INPP4B: variants seen among roughly 807,000 people sequenced by gnomAD.
INPP4B encodes the protein inositol polyphosphate 4-phosphatase type II.
INPP4B carries 55 observed loss-of-function variants against 122.5 expected under a neutral mutation model. That is an observed-to-expected ratio of 0.45 (90% CI 0.36 to 0.56). The LOEUF is 0.56. Ranked by LOEUF, INPP4B falls within the 20% of genes least tolerant of loss-of-function variation. INPP4B has a pLI of 0.00. For synonymous variants in INPP4B, 403 were observed against 388.7 expected, an observed-to-expected ratio of 1.04 and a Z score of -0.43; for missense variants, 1,000 against 1,097.7, an observed-to-expected ratio of 0.91 and a Z score of 1.26.
chr4:142,336,532 T>G (rs1028322452), intron 7 of INPP4B, among the ~76,000 whole-genome samples: 2 of 152,216 alleles, frequency 1.3e-5, no homozygotes, highest in Middle Eastern at 3.2e-3. Context: ...ATGAACAAGC[T>G]GTAATATGCC....
chr4:142,086,800 AAGTGGTCCTAC>A, intron 23 of INPP4B, among the ~76,000 whole-genome samples: 1 of 152,194 alleles, frequency 6.6e-6, no homozygotes, highest in East Asian at 1.9e-4. Context: ...TGGTAATATC[AAGTGGTCCTAC>A]AGTACTATTT....
In INPP4B at chr4:142,333,024, A is replaced by C. The variant is rs866406329; in HGVS notation, c.373-18262T>G. ...AGACTCCGTCTCAAAAAAAAAAAAA[A>C]AAACAAAAAAAAAACCTTCTAAAAC... On this transcript the variant is annotated intron_variant, in intron 7 of 25. Transcript: ENST00000262992. 1.8e-3 allele frequency among the ~76,000 whole-genome samples: 270 copies of C among 150,698 alleles called. 3 individuals carry two copies. The highest frequency in any genetic ancestry group is 5.7e-3 in the African/African-American group (232 of 40,984).
chr4:142,486,304 T>C (rs889062597), intron 2 of INPP4B, among the ~76,000 whole-genome samples: 1 of 152,220 alleles, frequency 6.6e-6, no homozygotes, highest in Admixed American at 6.6e-5. Context: ...TTTAGACTTC[T>C]TAATCTTAGA....
rs571341672 is a variant in INPP4B, at chr4:142,416,812, G to T, written c.137-11488C>A. On this transcript the variant is annotated intron_variant, in intron 5 of 25. Transcript: ENST00000262992. ...CATTTGACTAACTAGGGCTTTGAGG[G>T]TGTCGATTCTTCTGTCATAAGATAG... Among the ~76,000 whole-genome samples, 5 of 152,282 alleles carry T rather than the reference G, an allele frequency of 3.3e-5. No homozygotes were observed. The South Asian group carries it at 1.0e-3, about 32-fold the overall frequency.
chr4:142,068,012 T>G (rs1482329332), intron 25 of INPP4B, among the ~76,000 whole-genome samples: 1 of 151,892 alleles, frequency 6.6e-6, no homozygotes, highest in African/African-American at 2.4e-5. Flanking sequence ...GAAGAGCAAC[T>G]CCAAGACACA....
At chr4:142,214,308 C>T (rs1323198857) in intron 12 of INPP4B, among the ~76,000 whole-genome samples, 1 of 152,156 alleles carries the variant, frequency 6.6e-6, no homozygotes, top group African/African-American at 2.4e-5. Flanking sequence ...AAAGATTCCA[C>T]ATAGCAGAGT....
At chr4:142,771,391 T>G (rs1050747734) in intron 1 of INPP4B, among the ~76,000 whole-genome samples, 1 of 152,128 alleles carries the variant, frequency 6.6e-6, no homozygotes, top group African/African-American at 2.4e-5. Flanking sequence ...GAAGTTTCTC[T>G]GGCAAATGTA....
chr4:142,816,761 T>G (rs1004854502), intron 1 of INPP4B, among the ~76,000 whole-genome samples: 2 of 151,996 alleles, frequency 1.3e-5, no homozygotes, highest in Admixed American at 1.3e-4. Flanking sequence ...TTTTTCTTAA[T>G]AGTATATTTG....
intron 5 of INPP4B, chr4:142,426,838 A>G (rs1325010764): frequency 6.6e-6 from 1 of 152,004 alleles, no homozygotes; most frequent in Non-Finnish European, 1.5e-5. Flanking sequence ...TGAAATTCCT[A>G]AATAATTTGA....
chr4:142,259,211 G>A (rs1579493128), intron 11 of INPP4B, among the ~76,000 whole-genome samples: 2 of 114,382 alleles, frequency 1.7e-5, no homozygotes, highest in South Asian at 7.2e-4. Context: ...TTGTGGGGTG[G>A]GGGGAGGGGG....
chr4:142,535,428 G>T (rs1457376081), intron 2 of INPP4B, among the ~76,000 whole-genome samples: 1 of 152,158 alleles, frequency 6.6e-6, no homozygotes, highest in Non-Finnish European at 1.5e-5. Flanking sequence ...CAGATCCTTA[G>T]ACTTTCCTTG....
chr4:142,227,856 T>TAAAAAAAAA (rs60375355), intron 12 of INPP4B, among the ~76,000 whole-genome samples: 3 of 34,220 alleles, frequency 8.8e-5, no homozygotes, highest in East Asian at 9.5e-4. Context: ...AGACTCTATC[T>TAAAAAAAAA]AAAAAAAAAA....
intron 2 of INPP4B, among the ~76,000 whole-genome samples, chr4:142,655,467 C>T (rs979963756): frequency 6.6e-6 from 1 of 152,160 alleles, no homozygotes; most frequent in Admixed American, 6.5e-5. Flanking sequence ...TTAATATTTG[C>T]CTCCAAAATT....
chr4:142,568,153 CT>C (rs66773597), intron 2 of INPP4B, among the ~76,000 whole-genome samples: 94,460 of 148,812 alleles, frequency 0.63, 30,681 homozygotes, highest in East Asian at 0.82. Context: ...TTTTTTTATT[CT>C]TTTTTTTTTT....
intron 24 of INPP4B, among the ~76,000 whole-genome samples, chr4:142,084,280 T>C (rs1036193563): frequency 2.6e-5 from 4 of 152,018 alleles, no homozygotes; most frequent in Admixed American, 2.0e-4. Context: ...TGTGCCACCA[T>C]GCCCGGCTAA....
intron 7 of INPP4B, among the ~76,000 whole-genome samples, chr4:142,336,616 G>C (rs1458552144): frequency 6.6e-6 from 1 of 152,258 alleles, no homozygotes; most frequent in African/African-American, 2.4e-5. Context: ...CGCAGTTGCT[G>C]GAATCTCTTG....
Position 142,623,127 on chromosome 4 carries a change from T to C in INPP4B, c.-191+102712A>G, listed in dbSNP as rs563677114. Among the ~76,000 whole-genome samples the C allele has an allele frequency of 7.9e-5, 12 of 152,098 alleles. No individual in the cohort carries two copies. In the South Asian group the frequency reaches 2.5e-3, roughly 31 times the overall value. Reference sequence around the variant, plus strand: ...GTCAAATCGCCTTTACTTCTCCCTCTGATTTCCTTATCTGAGGCTTATCTA... The same window carrying C: ...GTCAAATCGCCTTTACTTCTCCCTCCGATTTCCTTATCTGAGGCTTATCTA... On this transcript the variant is annotated intron_variant, in intron 2 of 25. Coordinates refer to ENST00000262992, the MANE Select transcript of INPP4B (RefSeq NM_001101669.3).
At chr4:142,756,664 AC>A (rs531816831) in intron 1 of INPP4B, among the ~76,000 whole-genome samples, 50 of 152,148 alleles carry the variant, frequency 3.3e-4, no homozygotes, top group South Asian at 2.1e-4. Flanking sequence ...ATGAGTAAGG[AC>A]AACACATTAT....
rs36227189 is a variant in INPP4B at position 142,263,639 on chromosome 4, A to AATATATATAT, written c.616-3085_616-3076dup. ...GACCACAAATGAGATAAATTCGTAA[A>AATATATATAT]ATATATATATATATATATATATATA... On this transcript the variant is annotated intron_variant, in intron 10 of 25. Transcript: ENST00000262992. 8.7e-3 allele frequency among the ~76,000 whole-genome samples: 365 copies of AATATATATAT among 41,750 alleles called. 26 individuals carry two copies. The highest frequency in any genetic ancestry group is 0.011 in the Non-Finnish European group (180 of 16,026). The allele number at this position is 41,750 out of a possible 152,430, so 27.4% of individuals were successfully genotyped here. A position where few individuals can be genotyped will look rare whatever the true frequency, so the allele number is the denominator to read the frequency against.
Sources: allele counts gnomAD v4.1 joint callset (sites outside exome capture counted in the v4.1 genomes callset), GRCh38; gene constraint gnomAD v4.1.1; transcripts MANE v1.5; gene names NCBI Gene and HGNC (gene_info 2026-07-23, HGNC 2026-07-21).